The following PCNX4 variants were observed in gnomAD, a reference collection of about 807,000 sequenced individuals.
PCNX4 encodes pecanex 4.
A neutral mutation model predicts 107.2 loss-of-function variants in PCNX4; 103 were observed. The observed-to-expected ratio is 0.96, with a 90% CI of 0.82 to 1.13. The LOEUF (loss-of-function observed/expected upper bound fraction) is 1.13. Among genes scored for constraint, PCNX4 ranks in the 50% most tolerant of loss-of-function variants. PCNX4 has a pLI of 0.00. For missense variants in PCNX4, 1,528 were observed against 1,379.4 expected (o/e 1.11, Z -1.71); for synonymous variants, 541 against 481.7 (o/e 1.12, Z -1.61).
chr14:60,114,211 T>C (rs575491899), intron 2 of PCNX4, among the ~76,000 whole-genome samples: 188 of 152,348 alleles, frequency 1.2e-3, no homozygotes, highest in Non-Finnish European at 2.1e-3. Flanking sequence ...CTTTCTTAGC[T>C]GCTAATGTAT....
chr14:60,124,419 C>T lies in PCNX4; in HGVS notation c.2248C>T (p.His750Tyr). 3.1e-6 allele frequency: 5 copies of T among 1,613,518 alleles called. No individual in the cohort carries two copies. The highest frequency in any genetic ancestry group is 4.2e-6 in the Non-Finnish European group (5 of 1,179,672). Residue 750 changes from histidine to tyrosine, a missense_variant, in exon 9 of 11, where the codon CAT becomes TAT. Coordinates refer to ENST00000406854, the MANE Select transcript of PCNX4 (RefSeq NM_001330177.2). ...TGTTCTATCAGGCATAATTGATTCT[C>T]ATGAAAACTTAAAAGAATTTAAAGG... ...RNVLSGIIDSHENLKEFKGDL... is the reference protein window; with the variant it reads ...RNVLSGIIDSYENLKEFKGDL...
At chr14:60,119,966 A>G (rs1193247785) in intron 7 of PCNX4, among the ~76,000 whole-genome samples, 1 of 152,182 alleles carries the variant, frequency 6.6e-6, no homozygotes, top group African/African-American at 2.4e-5. Flanking sequence ...ATAAAGATGT[A>G]TATATCCCGT....
intron 10 of PCNX4, among the ~76,000 whole-genome samples, chr14:60,133,491 A>G (rs1896190902): frequency 6.6e-6 from 1 of 152,188 alleles, no homozygotes; most frequent in Non-Finnish European, 1.5e-5. Context: ...TGAGGTTATG[A>G]TGTTTTAAAA....
chr14:60,115,458 T>G lies in PCNX4; in HGVS notation c.1354T>G (p.Leu452Val). ...IGIVRRILLT[L>V]VSPFAMIAFL... Reference sequence around the variant, plus strand: ...TATTGTCAGACGGATTTTGCTAACTTTAGGTAGGAAGATAAAGTCTATTAA... The same window carrying G: ...TATTGTCAGACGGATTTTGCTAACTGTAGGTAGGAAGATAAAGTCTATTAA... The change falls in exon 4 of 11, where the codon TTA becomes GTA. Residue 452 changes from leucine (L) to valine (V), a missense_variant. Transcript: ENST00000406854. 3.3e-6 allele frequency: 5 copies of G among 1,521,042 alleles called. No homozygotes were observed. Among genetic ancestry groups the G allele is most frequent in the Non-Finnish European group, 4.4e-6 (5 of 1,142,156 alleles). The allele number at this position is 1,521,042 out of a possible 1,614,324, so 94.2% of individuals were successfully genotyped here. A position where few individuals can be genotyped will look rare whatever the true frequency, so the allele number is the denominator to read the frequency against.
At position 60,141,135 on chromosome 14, in the gene PCNX4, G is replaced by T. The variant is rs945238626; in HGVS notation, c.*6914G>T. The T allele has an allele frequency of 2.0e-5, 3 of 152,200 alleles. No individual in the cohort carries two copies. The highest frequency in any genetic ancestry group is 4.4e-5 in the Non-Finnish European group (3 of 68,054). 9.4% of individuals were successfully genotyped at this position (152,200 alleles called of 1,614,324 possible). On this transcript the variant is annotated 3_prime_UTR_variant, in exon 11 of 11. Transcript: ENST00000406854. ...AAAAGCCAGATAGCCAACCCCATGTGTCTCCAAGAGCTGTCTCCTACATCC... is the reference window on the plus strand; with the variant it reads ...AAAAGCCAGATAGCCAACCCCATGTTTCTCCAAGAGCTGTCTCCTACATCC...
intron 8 of PCNX4, among the ~76,000 whole-genome samples, chr14:60,123,421 A>G (rs973831325): frequency 1.3e-5 from 2 of 152,128 alleles, no homozygotes; most frequent in African/African-American, 4.8e-5. Context: ...GACCTGCTCA[A>G]GTTCTTGCCA....
chr14:60,096,761 G>A (rs981326644), intron 1 of PCNX4, among the ~76,000 whole-genome samples: 1 of 152,240 alleles, frequency 6.6e-6, no homozygotes, highest in African/African-American at 2.4e-5. Context: ...GGTCCTTGGT[G>A]TGATTTCTTT....
chr14:60,093,349 C>G (rs936103642), intron 1 of PCNX4, among the ~76,000 whole-genome samples: 47 of 152,162 alleles, frequency 3.1e-4, no homozygotes, highest in Non-Finnish European at 7.4e-5. Flanking sequence ...GTCACCACCT[C>G]CCTCCCCCCA....
Position 60,110,954 on chromosome 14 carries a change from C to A in PCNX4, c.689+2627C>A, listed in dbSNP as rs1217376280. 2.4e-5 allele frequency: 4 copies of A among 166,990 alleles called. No individual in the cohort carries two copies. In the East Asian group the frequency reaches 5.8e-4, roughly 24 times the overall value. 10.3% of individuals were successfully genotyped at this position (166,990 alleles called of 1,614,324 possible). On this transcript the variant is annotated intron_variant, in intron 2 of 10. Transcript: ENST00000406854. ...TGGGAGGTAGTTTATGAAGGTGAGA[C>A]CCTAGTCTGATAGGATTAGTGCCCT...
At chr14:60,095,432 G>A (rs1895405341) in intron 1 of PCNX4, among the ~76,000 whole-genome samples, 1 of 152,062 alleles carries the variant, frequency 6.6e-6, no homozygotes, top group African/African-American at 2.4e-5. Context: ...TAGCTCACTG[G>A]GAATTTCCCT....
Position 60,107,654 on chromosome 14 carries a change from C to T in PCNX4, c.16C>T (p.Pro6Ser), listed in dbSNP as rs1457785015. ...CCGAGTGAGGATGAGTCCAGATGTG[C>T]CTCTACTGAATGATTACAAGCAGGA... The part of the protein sequence containing the change: MSPDV[P>S]LLNDYKQDFF... The change falls in exon 2 of 11, where the codon CCT becomes TCT. Residue 6 changes from proline (P) to serine (S), a missense_variant. By Grantham distance (74) the Pro-to-Ser change is moderately conservative (BLOSUM62 -1). Coordinates refer to ENST00000406854, the MANE Select transcript of PCNX4 (RefSeq NM_001330177.2). The T allele has an allele frequency of 9.9e-6, 16 of 1,612,168 alleles. No individual in the cohort carries two copies. Among genetic ancestry groups the T allele is most frequent in the Non-Finnish European group, 1.4e-5 (16 of 1,179,528 alleles).
At position 60,124,736 on chromosome 14, in the gene PCNX4, A is replaced by T. The variant is rs778771405; in HGVS notation, c.2565A>T (p.Gly855=). ...DLPGTNLFIP[G]SVESQRVGDH... Reference sequence around the variant, plus strand: ...CAGGTACAAATTTGTTTATTCCAGGATCAGTAGAATCACAGAGGGTTGGTG... The same window carrying T: ...CAGGTACAAATTTGTTTATTCCAGGTTCAGTAGAATCACAGAGGGTTGGTG... The change falls in exon 9 of 11, where the codon GGA becomes GGT. Residue 855 remains glycine (G), a synonymous_variant. Transcript: ENST00000406854. 2 of 1,613,148 alleles carry T rather than the reference A, an allele frequency of 1.2e-6. No homozygotes were observed. The highest frequency in any genetic ancestry group is 1.7e-6 in the Non-Finnish European group (2 of 1,179,780).
Position 60,125,283 on chromosome 14 carries a change from CATT to C in PCNX4, c.3080+33_3080+35del, listed in dbSNP as rs756693899. 8.9e-6 allele frequency: 13 copies of C among 1,460,098 alleles called. No homozygotes were observed. In the South Asian group the frequency reaches 1.5e-4, roughly 17 times the overall value. 90.4% of individuals were successfully genotyped at this position (1,460,098 alleles called of 1,614,324 possible). A position where few individuals can be genotyped will look rare whatever the true frequency, so the allele number is the denominator to read the frequency against. On this transcript the variant is annotated intron_variant, in intron 9 of 10. Transcript: ENST00000406854. ...CATTTTGATCATATGTAAGTTATAA[CATT>C]GTTGGAAAAATACTGATTTTTCTAA...
Position 60,134,322 on chromosome 14 carries a change from C to T in PCNX4, c.*101C>T, listed in dbSNP as rs1171120366. 2.2e-6 allele frequency: 3 copies of T among 1,391,214 alleles called. No individual in the cohort carries two copies. In the African/African-American group the frequency reaches 4.3e-5, roughly 20 times the overall value. 86.2% of individuals were successfully genotyped at this position (1,391,214 alleles called of 1,614,324 possible). A position where few individuals can be genotyped will look rare whatever the true frequency, so the allele number is the denominator to read the frequency against. On this transcript the variant is annotated 3_prime_UTR_variant, in exon 11 of 11. Coordinates refer to ENST00000406854, the MANE Select transcript of PCNX4 (RefSeq NM_001330177.2). ...TAACTTGAGGACTTCTCCACACCCC[C>T]ATTCAGATGCCTGAGAACAGCTAAG...
chr14:60,124,714 G>A lies in PCNX4; in HGVS notation c.2543G>A (p.Gly848Asp). 6.2e-7 allele frequency: 1 copy of A among 1,613,048 alleles called. No homozygotes were observed. Among genetic ancestry groups the A allele is most frequent in the Non-Finnish European group, 8.5e-7 (1 of 1,179,736 alleles). ...EEKHQLKDLP[G>D]TNLFIPGSVE... The stretch of plus-strand genomic sequence containing the variant: ...AAACATCAGTTGAAAGATTTGCCAG[G>A]TACAAATTTGTTTATTCCAGGATCA... The change falls in exon 9 of 11, where the codon GGT becomes GAT. Residue 848 changes from glycine (G) to aspartate (D), a missense_variant. Physicochemically the swap from Gly to Asp is moderately conservative, Grantham distance 94 (BLOSUM62 -1). Transcript: ENST00000406854.
chr14:60,114,806 G>A lies in PCNX4; in HGVS notation c.796G>A (p.Ala266Thr). The change falls in exon 3 of 11, where the codon GCA becomes ACA. Residue 266 changes from alanine to threonine, a missense_variant. Transcript: ENST00000406854. ...WALGTLPPPDALLLWAMEQVL... is the reference protein window; with the variant it reads ...WALGTLPPPDTLLLWAMEQVL... ...ACTTGGGACTCTGCCCCCACCCGAT[G>A]CACTTCTCTTATGGGCAATGGAGCA... is the stretch of plus-strand genomic sequence containing the variant. 2 of 1,613,788 alleles carry A rather than the reference G, an allele frequency of 1.2e-6. No homozygotes were observed. Among genetic ancestry groups the A allele is most frequent in the Non-Finnish European group, 1.7e-6 (2 of 1,179,848 alleles).
At position 60,108,129 on chromosome 14, in the gene PCNX4, C is replaced by A; in HGVS notation, c.491C>A (p.Thr164Asn). 1.9e-6 allele frequency: 3 copies of A among 1,612,838 alleles called. No homozygotes were observed. Among genetic ancestry groups the A allele is most frequent in the Non-Finnish European group, 1.7e-6 (2 of 1,179,886 alleles). ...TGGTATCTGCTCCCAAATAGAATAA[C>A]CTTGCTGTATGGCAGTACAGGAGGC... Reference protein sequence around the residue: ...GTWYLLPNRITLLYGSTGGTA... With the variant: ...GTWYLLPNRINLLYGSTGGTA... Residue 164 changes from threonine to asparagine, a missense_variant, in exon 2 of 11, where the codon ACC becomes AAC. Physicochemically the swap from Thr to Asn is moderately conservative, Grantham distance 65. Coordinates refer to ENST00000406854, the MANE Select transcript of PCNX4 (RefSeq NM_001330177.2).
At chr14:60,105,481 C>G (rs776334008) in intron 1 of PCNX4, among the ~76,000 whole-genome samples, 4 of 152,040 alleles carry the variant, frequency 2.6e-5, no homozygotes, top group Non-Finnish European at 5.9e-5. Context: ...CCTTCTGAAA[C>G]TTTTTATACA....
rs1426454066 is a variant in PCNX4 at position 60,121,321 on chromosome 14, C to G, written c.2046+22C>G. ...TAAGGTCAGTGTGCATATAAAACAT[C>G]TGTAGTATTTTTATAGTTCATGTGT... is the stretch of plus-strand genomic sequence containing the variant. On this transcript the variant is annotated intron_variant, in intron 8 of 10. Coordinates refer to ENST00000406854, the MANE Select transcript of PCNX4 (RefSeq NM_001330177.2). The G allele has an allele frequency of 6.9e-6, 11 of 1,597,984 alleles. No homozygotes were observed. The East Asian group carries it at 2.0e-4, about 29-fold the overall frequency.
Sources: gnomAD v4.1 joint callset for allele counts (sites outside exome capture counted in the v4.1 genomes callset) on GRCh38, gnomAD v4.1.1 for gene constraint, MANE v1.5 for transcripts, NCBI Gene and HGNC (gene_info 2026-07-23, HGNC 2026-07-21) for gene names.